SPATA3: variants seen among roughly 807,000 people sequenced by gnomAD.
The protein encoded by SPATA3 is spermatogenesis-associated protein 3.
Under a neutral mutation model 5.7 loss-of-function variants are expected in SPATA3, and 6 were observed. That is an observed-to-expected ratio of 1.06 (90% CI 0.58 to 2.09). The LOEUF (loss-of-function observed/expected upper bound fraction) is 2.09. Ranked by LOEUF, SPATA3 falls within the 30% of genes most tolerant of loss-of-function variation. The pLI is 0.00. For missense variants in SPATA3, 155 were observed against 130.4 expected, an observed-to-expected ratio of 1.19 and a Z score of -0.92; for synonymous variants, 44 against 48.4, an observed-to-expected ratio of 0.91 and a Z score of 0.37.
chr2:231,000,564 C>G, intron 2 of SPATA3, 27 bp downstream of exon 2: 1 of 1,473,442 alleles, frequency 6.8e-7, no homozygotes. Context: ...GCTGGAGCCT[C>G]GGGGCACACA....
At chr2:231,013,183 A>G (rs1165341463) in intron 5 of SPATA3, among the ~76,000 whole-genome samples, 2 of 151,724 alleles carry the variant, frequency 1.3e-5, no homozygotes, top group Non-Finnish European at 2.9e-5. Context: ...CCCACCTACC[A>G]GCGCCCTCTT....
At chr2:231,005,397 C>CCACCAT (rs1432135928), downstream of SPATA3, among the ~76,000 whole-genome samples, 1 of 88,332 alleles carries the variant, frequency 1.1e-5, no homozygotes, top group Non-Finnish European at 2.3e-5. Flanking sequence ...ACCATCATCA[C>CCACCAT]CACCACCACC....
At chr2:231,016,639 C>G (rs145385694) in intron 6 of SPATA3, among the ~76,000 whole-genome samples, 3 of 151,982 alleles carry the variant, frequency 2.0e-5, no homozygotes, top group Non-Finnish European at 4.4e-5. Context: ...GAGCCAATAT[C>G]GTGCCACTGC....
chr2:231,005,440 C>T (rs1272034414), downstream of SPATA3, among the ~76,000 whole-genome samples: 6 of 87,614 alleles, frequency 6.8e-5, no homozygotes, highest in African/African-American at 2.7e-4. Context: ...CCACCACAAT[C>T]ACCACCATCA....
downstream of SPATA3, among the ~76,000 whole-genome samples, chr2:231,006,419 T>C (rs1574667858): frequency 6.7e-6 from 1 of 149,720 alleles, no homozygotes. Context: ...AGGAGAATGG[T>C]GTGCACCCAA....
intron 6 of SPATA3, among the ~76,000 whole-genome samples, chr2:231,014,984 G>T (rs1692891392): frequency 1.3e-5 from 2 of 151,760 alleles, no homozygotes; most frequent in South Asian, 4.2e-4. Context: ...ACCCTACAGG[G>T]AGTCCCAACT....
chr2:231,019,425 A>G (rs1233076588), intron 6 of SPATA3, among the ~76,000 whole-genome samples: 19 of 141,620 alleles, frequency 1.3e-4, no homozygotes, highest in East Asian at 1.1e-3. Context: ...CCGGGTTCAC[A>G]CCATTCTCCT....
intron 1 of SPATA3, among the ~76,000 whole-genome samples, chr2:230,998,685 G>A (rs1424979719): frequency 6.6e-6 from 1 of 152,220 alleles, no homozygotes; most frequent in Non-Finnish European, 1.5e-5. Context: ...GAAAATGCCA[G>A]TCTTCCACTA....
chr2:231,001,398 C>CA (rs1396313127), intron 2 of SPATA3, among the ~76,000 whole-genome samples: 1 of 152,150 alleles, frequency 6.6e-6, no homozygotes, highest in African/African-American at 2.4e-5. Flanking sequence ...TGAGGCCCCC[C>CA]AACCCCCATC....
exon 2 of SPATA3, chr2:231,000,494 A>G (rs1213920246): frequency 3.2e-6 from 5 of 1,548,962 alleles, no homozygotes; most frequent in Middle Eastern, 3.3e-4. Context: ...GGACTGGCAG[A>G]TGGCGCCAGG....
chr2:230,999,345 A>G (rs1051075991), intron 1 of SPATA3, among the ~76,000 whole-genome samples: 3 of 152,190 alleles, frequency 2.0e-5, no homozygotes, highest in African/African-American at 7.2e-5. Context: ...ACTAAAAACC[A>G]CTGAGCACTC....
At chr2:231,015,086 G>GGA (rs1336777453) in intron 6 of SPATA3, among the ~76,000 whole-genome samples, 3 of 149,692 alleles carry the variant, frequency 2.0e-5, no homozygotes, top group African/African-American at 7.6e-5. Flanking sequence ...TCCCAACTGA[G>GGA]GAGAGAGAGA....
downstream of SPATA3, among the ~76,000 whole-genome samples, chr2:231,005,556 CCAT>C (rs1559198002): frequency 2.9e-5 from 2 of 69,816 alleles, no homozygotes; most frequent in African/African-American, 5.3e-5. Context: ...ATCACCACCA[CCAT>C]CATCACCATC....
chr2:231,018,228 C>T lies in SPATA3; in HGVS notation c.*566-1492C>T, dbSNP rs183733957. 5.3e-4 allele frequency among the ~76,000 whole-genome samples: 81 copies of T among 152,214 alleles called. 2 individuals are homozygous for T. The highest frequency in any genetic ancestry group is 2.7e-3 in the East Asian group (14 of 5,182). ...GCATGAGCCACCGCACCCATCATGA[C>T]GGAGAAATTTTACCACAAGCTGCCA... On this transcript the variant is annotated intron_variant, in intron 6 of 8. Coordinates refer to the SPATA3 transcript ENST00000452881.
chr2:231,005,212 C>T (rs1005473205), downstream of SPATA3, among the ~76,000 whole-genome samples: 2 of 148,770 alleles, frequency 1.3e-5, no homozygotes, highest in Non-Finnish European at 3.0e-5. Context: ...TCACCATCAT[C>T]ACCACCATCA....
At chr2:231,006,408 CA>C (rs1692627016), downstream of SPATA3, among the ~76,000 whole-genome samples, 1 of 150,778 alleles carries the variant, frequency 6.6e-6, no homozygotes, top group Admixed American at 6.6e-5. Context: ...GAGGCTGAGG[CA>C]GGAGAATGGT....
chr2:230,996,431 G>T, intron 1 of SPATA3: 1 of 1,552,318 alleles, frequency 6.4e-7, no homozygotes. Context: ...CCTCCCGGCA[G>T]CCAGCATTCC....
downstream of SPATA3, among the ~76,000 whole-genome samples, chr2:231,011,927 C>T (rs150469517): frequency 6.6e-6 from 1 of 152,358 alleles, no homozygotes; most frequent in African/African-American, 2.4e-5. Context: ...ACAGCATATA[C>T]TTATTACACC....
chr2:231,007,188 A>G (rs1304460789), downstream of SPATA3: 3 of 152,234 alleles, frequency 2.0e-5, no homozygotes, highest in Non-Finnish European at 4.4e-5. Context: ...GGTATTGTCT[A>G]AGCTGATTGG....
Sources: allele counts gnomAD v4.1 joint callset (sites outside exome capture counted in the v4.1 genomes callset), GRCh38; gene constraint gnomAD v4.1.1; transcripts MANE v1.5; gene names NCBI Gene and HGNC (gene_info 2026-07-23, HGNC 2026-07-21).